Variants in PDZRN3 observed in about 807,000 individuals in gnomAD.
PDZRN3 encodes the protein PDZ domain containing ring finger 3.
In PDZRN3, 38 loss-of-function variants were observed where a neutral mutation model predicts 85.7. That is an observed-to-expected ratio of 0.44 (90% confidence interval 0.34 to 0.58). The LOEUF (loss-of-function observed/expected upper bound fraction) is 0.58. Ranked by LOEUF, PDZRN3 falls within the 20% of genes least tolerant of loss-of-function variation. The probability of loss-of-function intolerance (pLI) is 0.01; values close to 1 mark genes in which losing one functional copy is unlikely to be tolerated. For missense variants in PDZRN3, 1,629 were observed against 1,506.4 expected (o/e 1.08, Z -1.35); for synonymous variants, 759 against 638.0 (o/e 1.19, Z -2.86).
intron 3 of PDZRN3, among the ~76,000 whole-genome samples, chr3:73,532,778 TG>T (rs1345384273): frequency 6.6e-6 from 1 of 152,182 alleles, no homozygotes; most frequent in East Asian, 1.9e-4. Context: ...CAGATCTCCA[TG>T]TTATTTGCTG....
rs1491432587 is a variant in PDZRN3, at chr3:73,563,014, T to TATATATATATA, written c.918+39339_918+39340insTATATATATAT. Among the ~76,000 whole-genome samples, 24 of 20,228 alleles carry TATATATATATA rather than the reference T, an allele frequency of 1.2e-3. 1 individual carries two copies. Among genetic ancestry groups the TATATATATATA allele is most frequent in the Admixed American group, 2.0e-3 (2 of 1,024 alleles). 13.3% of individuals were successfully genotyped at this position (20,228 alleles called of 152,430 possible). A position where few individuals can be genotyped will look rare whatever the true frequency, so the allele number is the denominator to read the frequency against. On this transcript the variant is annotated intron_variant, in intron 3 of 9. Coordinates refer to ENST00000263666, the MANE Select transcript of PDZRN3 (RefSeq NM_015009.3). The stretch of plus-strand genomic sequence containing the variant: ...ATATATATATATATATATATATATA[T>TATATATATATA]TTTTTTTTTTTTTTTTTTTTTTGAG...
At chr3:73,454,252 TC>T (rs1415903483) in intron 3 of PDZRN3, among the ~76,000 whole-genome samples, 1 of 151,306 alleles carries the variant, frequency 6.6e-6, no homozygotes, top group Non-Finnish European at 1.5e-5. Context: ...ACCCAGAGAG[TC>T]TCTGAGAAGC....
intron 3 of PDZRN3, among the ~76,000 whole-genome samples, chr3:73,596,716 G>C (rs1702435186): frequency 6.6e-6 from 1 of 152,154 alleles, no homozygotes; most frequent in Non-Finnish European, 1.5e-5. Context: ...CAATGGTATG[G>C]AAGACAAAAA....
At chr3:73,447,066 CAA>C (rs55774533) in intron 3 of PDZRN3, among the ~76,000 whole-genome samples, 416 of 132,994 alleles carry the variant, frequency 3.1e-3, no homozygotes, top group Non-Finnish European at 5.5e-3. Context: ...TAAAGAATTG[CAA>C]TATATATATA....
rs141697398 is a variant in PDZRN3 at position 73,441,180 on chromosome 3, C to T, written c.919-36785G>A. On this transcript the variant is annotated intron_variant, in intron 3 of 9. Coordinates refer to ENST00000263666, the MANE Select transcript of PDZRN3 (RefSeq NM_015009.3). Reference sequence around the variant, plus strand: ...CTGTAATCCCAGCACTTTGGGAGGCCGAGGCGGGCAGATCACGAGCTGGGC... The same window carrying T: ...CTGTAATCCCAGCACTTTGGGAGGCTGAGGCGGGCAGATCACGAGCTGGGC... Among the ~76,000 whole-genome samples, 1,167 of 151,976 alleles carry T rather than the reference C, an allele frequency of 7.7e-3. 16 individuals are homozygous for T. The highest frequency in any genetic ancestry group is 0.027 in the African/African-American group (1,105 of 41,450).
rs1701285535 is a variant in PDZRN3, at chr3:73,384,118, T to C, written c.2448A>G (p.Glu816=). The C allele has an allele frequency of 6.2e-7, 1 of 1,614,088 alleles. No individual in the cohort carries two copies. The highest frequency in any genetic ancestry group is 8.5e-7 in the Non-Finnish European group (1 of 1,180,024). ...KNLLSITEDP[E]VGTPTYSPSL... ...ACGGGCTATAGGTAGGGGTGCCCAC[T>C]TCGGGATCTTCCGTGATGGAGAGCA... Residue 816 remains glutamate, a synonymous_variant, in exon 10 of 10, where the codon GAA becomes GAG. Transcript: ENST00000263666.
Position 73,537,877 on chromosome 3 carries a change from C to T in PDZRN3, c.918+64477G>A, listed in dbSNP as rs528369480. On this transcript the variant is annotated intron_variant, in intron 3 of 9. Coordinates refer to ENST00000263666, the MANE Select transcript of PDZRN3 (RefSeq NM_015009.3). The stretch of plus-strand genomic sequence containing the variant: ...CTGATCTCAAATGATCCGCCCGCCT[C>T]GGCTTTCTGAAGTGCTGGGATTACA... 1.7e-3 allele frequency among the ~76,000 whole-genome samples: 260 copies of T among 151,860 alleles called. 2 individuals carry two copies. Among genetic ancestry groups the T allele is most frequent in the Non-Finnish European group, 1.9e-3 (132 of 67,988 alleles).
chr3:73,386,808 G>C (rs1389910630), intron 8 of PDZRN3, among the ~76,000 whole-genome samples: 11 of 152,178 alleles, frequency 7.2e-5, no homozygotes, highest in Admixed American at 7.2e-4. Flanking sequence ...TTGAGCTCAT[G>C]AGGCTCCCAT....
In PDZRN3 at chr3:73,408,781, T is replaced by C. The variant is rs78870925; in HGVS notation, c.919-4386A>G. Among the ~76,000 whole-genome samples, 194 of 152,290 alleles carry C rather than the reference T, an allele frequency of 1.3e-3. 1 individual carries two copies. The highest frequency in any genetic ancestry group is 7.9e-3 in the East Asian group (41 of 5,174). On this transcript the variant is annotated intron_variant, in intron 3 of 9. Transcript: ENST00000263666. ...CTTGTGCACATAACACTTATTACAC[T>C]GTCATCTTGGAATCACATCACTGAG...
intron 3 of PDZRN3, among the ~76,000 whole-genome samples, chr3:73,586,295 C>T (rs1702275591): frequency 6.6e-6 from 1 of 152,150 alleles, no homozygotes; most frequent in African/African-American, 2.4e-5. Flanking sequence ...TGGCAGATTC[C>T]ACCTGTCTGC....
At chr3:73,595,618 A>G (rs1575756239) in intron 3 of PDZRN3, among the ~76,000 whole-genome samples, 1 of 152,194 alleles carries the variant, frequency 6.6e-6, no homozygotes, top group Admixed American at 6.5e-5. Flanking sequence ...CCAAAAATTA[A>G]AACACTTTAA....
intron 1 of PDZRN3, among the ~76,000 whole-genome samples, chr3:73,613,468 C>T (rs1702714220): frequency 6.6e-6 from 1 of 151,994 alleles, no homozygotes; most frequent in African/African-American, 2.4e-5. Context: ...GAGACAGAAA[C>T]GAGCTGGGGA....
rs150540461 is a variant in PDZRN3 at position 73,476,530 on chromosome 3, C to G, written c.919-72135G>C. Among the ~76,000 whole-genome samples, 247 of 152,296 alleles carry G rather than the reference C, an allele frequency of 1.6e-3. 2 individuals carry two copies. The highest frequency in any genetic ancestry group is 5.3e-3 in the African/African-American group (222 of 41,574). ...GTGGGGACACAGAGCCAAACCATAT[C>G]AGGTAGTATGTTCCCACACTGTCCC... On this transcript the variant is annotated intron_variant, in intron 3 of 9. Coordinates refer to ENST00000263666, the MANE Select transcript of PDZRN3 (RefSeq NM_015009.3).
intron 3 of PDZRN3, among the ~76,000 whole-genome samples, chr3:73,593,709 T>TAC (rs57922621): frequency 0.014 from 1,989 of 141,878 alleles, 17 homozygotes; most frequent in African/African-American, 0.029. Context: ...GAAATAAATA[T>TAC]ACACACACAC....
chr3:73,575,088 T>C (rs1702103677), intron 3 of PDZRN3, among the ~76,000 whole-genome samples: 2 of 152,240 alleles, frequency 1.3e-5, no homozygotes, highest in South Asian at 2.1e-4. Context: ...TTCATGTTTA[T>C]CACAAAAATT....
chr3:73,529,379 G>T (rs1319686942), intron 3 of PDZRN3, among the ~76,000 whole-genome samples: 1 of 152,070 alleles, frequency 6.6e-6, no homozygotes, highest in Non-Finnish European at 1.5e-5. Context: ...CTCTATCCAG[G>T]GCTGCAAACA....
intron 5 of PDZRN3, among the ~76,000 whole-genome samples, chr3:73,395,795 C>T (rs1701623235): frequency 6.6e-6 from 1 of 152,154 alleles, no homozygotes; most frequent in African/African-American, 2.4e-5. Context: ...CATTTTATTC[C>T]TTCATTCAAA....
intron 3 of PDZRN3, among the ~76,000 whole-genome samples, chr3:73,505,901 A>G (rs923811438): frequency 1.3e-5 from 2 of 152,178 alleles, no homozygotes; most frequent in African/African-American, 4.8e-5. Context: ...TGTAATAAGC[A>G]CAGAGGAGGC....
chr3:73,383,471 T>G lies in PDZRN3; in HGVS notation c.3095A>C (p.Lys1032Thr). The change falls in exon 10 of 10, where the codon AAA becomes ACA. Residue 1032 changes from lysine (K) to threonine (T), a missense_variant. Transcript: ENST00000263666. ...GATCGTCATCCAGTTATCGAAGATT[T>G]TCTTATTCCTCTTCTTCATCATCTT... ...HKKMMKKRNK[K>T]IFDNWMTIQE... is the part of the protein sequence containing the mutation. 1 of 1,614,196 alleles carries G rather than the reference T, an allele frequency of 6.2e-7. No individual in the cohort carries two copies. Among genetic ancestry groups the G allele is most frequent in the Non-Finnish European group, 8.5e-7 (1 of 1,180,032 alleles).
Sources: allele counts gnomAD v4.1 joint callset (sites outside exome capture counted in the v4.1 genomes callset), GRCh38; gene constraint gnomAD v4.1.1; transcripts MANE v1.5; gene names NCBI Gene and HGNC (gene_info 2026-07-23, HGNC 2026-07-21).